The following DPY19L1 variants were observed in gnomAD, a reference collection of about 807,000 sequenced individuals.
DPY19L1 encodes dpy-19 like C-mannosyltransferase 1.
Under a neutral mutation model 96.9 loss-of-function variants are expected in DPY19L1, and 35 were observed. That is an observed-to-expected ratio of 0.36 (90% CI 0.28 to 0.48). The LOEUF (loss-of-function observed/expected upper bound fraction) is 0.48. DPY19L1 is among the 20% of genes least tolerant of loss of function. The probability of loss-of-function intolerance (pLI) is 0.99; values close to 1 mark genes in which losing one functional copy is unlikely to be tolerated. For missense variants in DPY19L1, 521 were observed against 777.9 expected (o/e 0.67, Z 3.93); for synonymous variants, 205 against 252.6 (o/e 0.81, Z 1.79).
At chr7:34,978,264 G>C (rs1035351853) in intron 7 of DPY19L1, among the ~76,000 whole-genome samples, 7 of 152,154 alleles carry the variant, frequency 4.6e-5, no homozygotes, top group Admixed American at 1.3e-4. Flanking sequence ...CCATTTGCTG[G>C]ATCAATCCTA....
intron 1 of DPY19L1, among the ~76,000 whole-genome samples, chr7:35,027,216 AG>A (rs1016621753): frequency 6.6e-6 from 1 of 151,946 alleles, no homozygotes; most frequent in African/African-American, 2.4e-5. Flanking sequence ...AAGAAAAAAA[AG>A]AAAAAAAAAA....
chr7:34,964,171 T>G (rs1024905269), intron 10 of DPY19L1, among the ~76,000 whole-genome samples: 2 of 152,102 alleles, frequency 1.3e-5, no homozygotes, highest in African/African-American at 4.8e-5. Flanking sequence ...TTTTTATAAC[T>G]ATAAGAATTT....
At chr7:35,025,707 C>G (rs1408610814) in intron 1 of DPY19L1, among the ~76,000 whole-genome samples, 1 of 152,172 alleles carries the variant, frequency 6.6e-6, no homozygotes, top group Non-Finnish European at 1.5e-5. Context: ...ATTATATACA[C>G]AGTACATCAG....
Position 34,928,990 on chromosome 7 carries a change from A to G in DPY19L1, c.*2583T>C, listed in dbSNP as rs907798082. The G allele has an allele frequency of 4.6e-5, 7 of 152,196 alleles. No homozygotes were observed. The highest frequency in any genetic ancestry group is 1.7e-4 in the African/African-American group (7 of 41,446). The allele number at this position is 152,196 out of a possible 1,614,324, so 9.4% of individuals were successfully genotyped here. A position where few individuals can be genotyped will look rare whatever the true frequency, so the allele number is the denominator to read the frequency against. ...TGCAATATCACTTTATTCCTGATAC[A>G]TACTTTCATTTTCTCATTAATATCA... On this transcript the variant is annotated 3_prime_UTR_variant, in exon 22 of 22. Transcript: ENST00000638088.
At chr7:34,961,698 T>C (rs1784504669) in intron 10 of DPY19L1, among the ~76,000 whole-genome samples, 1 of 152,052 alleles carries the variant, frequency 6.6e-6, no homozygotes, top group African/African-American at 2.4e-5. Flanking sequence ...GGACAATGAT[T>C]GAGAGAAGAT....
chr7:34,968,221 A>T (rs1206548681), intron 9 of DPY19L1, among the ~76,000 whole-genome samples: 2 of 152,240 alleles, frequency 1.3e-5, no homozygotes, highest in Non-Finnish European at 2.9e-5. Context: ...AGCCTATTTT[A>T]AAAAATAATG....
intron 1 of DPY19L1, among the ~76,000 whole-genome samples, chr7:35,022,689 T>C (rs982225676): frequency 3.9e-5 from 6 of 152,222 alleles, no homozygotes; most frequent in African/African-American, 7.2e-5. Context: ...AATTAATGCA[T>C]AAAGCTTGAT....
intron 18 of DPY19L1, among the ~76,000 whole-genome samples, chr7:34,941,356 C>A (rs953614718): frequency 2.6e-5 from 4 of 151,666 alleles, no homozygotes; most frequent in African/African-American, 9.7e-5. Context: ...AATGTGCACA[C>A]AAATTGCACC....
At chr7:34,933,968 CTTTT>C (rs1408708555) in intron 21 of DPY19L1, among the ~76,000 whole-genome samples, 1 of 151,976 alleles carries the variant, frequency 6.6e-6, no homozygotes, top group African/African-American at 2.4e-5. Context: ...TACATCTATC[CTTTT>C]TTTATTTTTG....
Position 34,973,612 on chromosome 7 carries a change from A to G in DPY19L1, c.823-7T>C, listed in dbSNP as rs1784773178. 3.5e-6 allele frequency: 5 copies of G among 1,425,706 alleles called. No homozygotes were observed. The highest frequency in any genetic ancestry group is 4.6e-6 in the Non-Finnish European group (5 of 1,084,142). 88.3% of individuals were successfully genotyped at this position (1,425,706 alleles called of 1,614,324 possible). On this transcript the variant is annotated splice_polypyrimidine_tract_variant and splice_region_variant and intron_variant, in intron 7 of 21. Transcript: ENST00000638088. Reference sequence around the variant, plus strand: ...TCCACATTACACGGGTACACTGAAAAAAAAAATTTGTAGTATAGTATACTT... The same window carrying G: ...TCCACATTACACGGGTACACTGAAAGAAAAAATTTGTAGTATAGTATACTT...
intron 13 of DPY19L1, among the ~76,000 whole-genome samples, chr7:34,952,063 A>C (rs1784277682): frequency 6.9e-6 from 1 of 145,410 alleles, no homozygotes; most frequent in Admixed American, 6.9e-5. Context: ...GAATTACTAA[A>C]CTTTCAAAAA....
intron 10 of DPY19L1, among the ~76,000 whole-genome samples, chr7:34,962,522 C>A (rs1189360030): frequency 3.9e-5 from 6 of 152,174 alleles, no homozygotes; most frequent in Non-Finnish European, 8.8e-5. Flanking sequence ...ATGGTTGACA[C>A]ATGTCATTAT....
intron 21 of DPY19L1, 137 bp downstream of exon 21, chr7:34,937,857 T>A: frequency 3.3e-5 from 26 of 794,370 alleles, no homozygotes; most frequent in South Asian, 6.9e-5. Flanking sequence ...AGAGCCTGTT[T>A]AAAAAAAAAA....
chr7:34,995,892 C>T (rs1233098803), intron 6 of DPY19L1, among the ~76,000 whole-genome samples: 2 of 134,898 alleles, frequency 1.5e-5, no homozygotes, highest in Non-Finnish European at 3.1e-5. Flanking sequence ...AGCTGAGAAC[C>T]TTCCCCTATA....
chr7:34,944,622 A>C (rs556338313), intron 16 of DPY19L1, among the ~76,000 whole-genome samples: 2 of 152,298 alleles, frequency 1.3e-5, no homozygotes, highest in East Asian at 3.9e-4. Flanking sequence ...GCAATTTTAA[A>C]AATTCAATAA....
At chr7:35,029,353 G>C (rs1485202583) in intron 1 of DPY19L1, among the ~76,000 whole-genome samples, 1 of 152,208 alleles carries the variant, frequency 6.6e-6, no homozygotes, top group African/African-American at 2.4e-5. Context: ...GCATAGGGAA[G>C]CTGTAAAACT....
chr7:34,971,133 A>G (rs1784717360), intron 8 of DPY19L1, among the ~76,000 whole-genome samples: 1 of 152,044 alleles, frequency 6.6e-6, no homozygotes. Flanking sequence ...TAATGTCACA[A>G]TATGTCAACT....
intron 1 of DPY19L1, among the ~76,000 whole-genome samples, chr7:35,027,551 C>A (rs1414361206): frequency 1.3e-5 from 2 of 151,740 alleles, no homozygotes; most frequent in African/African-American, 4.8e-5. Context: ...TCATGAAGGC[C>A]GGGCTCCATG....
chr7:35,008,567 C>T (rs1785621835), intron 6 of DPY19L1, among the ~76,000 whole-genome samples: 1 of 152,228 alleles, frequency 6.6e-6, no homozygotes, highest in African/African-American at 2.4e-5. Flanking sequence ...GTGGCACACA[C>T]TTGTAGTTCC....
Sources: gnomAD v4.1 joint callset for allele counts (sites outside exome capture counted in the v4.1 genomes callset) on GRCh38, gnomAD v4.1.1 for gene constraint, MANE v1.5 for transcripts, NCBI Gene and HGNC (gene_info 2026-07-23, HGNC 2026-07-21) for gene names.